The following BICDL1 variants were observed in gnomAD, a reference collection of about 807,000 sequenced individuals.
BICDL1 encodes the protein BICD family like cargo adaptor 1.
BICDL1 carries 20 observed loss-of-function variants against 76.8 expected under a neutral mutation model. That is an observed-to-expected ratio of 0.26 (90% confidence interval 0.18 to 0.38). The LOEUF (loss-of-function observed/expected upper bound fraction) is 0.38, where lower values mean the gene tolerates loss of function less well. Among genes scored for constraint, BICDL1 ranks in the 10% least tolerant of loss-of-function variants. The pLI is 1.00. For missense variants in BICDL1, 700 were observed against 798.6 expected, an observed-to-expected ratio of 0.88 and a Z score of 1.49; for synonymous variants, 383 against 337.1, an observed-to-expected ratio of 1.14 and a Z score of -1.49.
intron 8 of BICDL1, 68 bp from the exon 9 acceptor site, chr12:120,089,883 C>G: frequency 1.9e-6 from 3 of 1,569,294 alleles, no homozygotes; most frequent in Non-Finnish European, 2.6e-6. Context: ...ACTCCAGGTG[C>G]CCCAAGTAAA....
intron 2 of BICDL1, among the ~76,000 whole-genome samples, chr12:120,019,522 A>G (rs1346815627): frequency 1.3e-5 from 2 of 152,192 alleles, no homozygotes; most frequent in African/African-American, 4.8e-5. Flanking sequence ...TATTTTTTTC[A>G]AATTTTGCTG....
intron 2 of BICDL1, among the ~76,000 whole-genome samples, chr12:120,013,688 C>G (rs917651201): frequency 2.8e-4 from 43 of 152,216 alleles, no homozygotes; most frequent in African/African-American, 1.0e-3. Flanking sequence ...TCTTGAACTC[C>G]TGGCCTCAAG....
intron 2 of BICDL1, chr12:119,999,926 G>A: frequency 7.0e-6 from 2 of 286,464 alleles, no homozygotes; most frequent in South Asian, 6.3e-5. Context: ...AGTGTTTGGT[G>A]CTTTGGTCTT....
chr12:120,072,840 C>A, intron 6 of BICDL1, 111 bp downstream of exon 6: 1 of 884,758 alleles, frequency 1.1e-6, no homozygotes, highest in Non-Finnish European at 1.7e-6. Context: ...TATAAAATAT[C>A]TGCAAGAATT....
At chr12:120,050,802 G>A (rs1451227446) in intron 2 of BICDL1, among the ~76,000 whole-genome samples, 1 of 151,504 alleles carries the variant, frequency 6.6e-6, no homozygotes, top group East Asian at 2.0e-4. Context: ...GCCACGCACA[G>A]CTAATTTTTA....
Position 120,093,175 on chromosome 12 carries a change from A to G in BICDL1, c.*14A>G. 7 of 1,571,072 alleles carry G rather than the reference A, an allele frequency of 4.5e-6. No homozygotes were observed. The highest frequency in any genetic ancestry group is 6.0e-6 in the Non-Finnish European group (7 of 1,157,442). On this transcript the variant is annotated 3_prime_UTR_variant, in exon 10 of 10. Coordinates refer to ENST00000548673, the MANE Select transcript of BICDL1 (RefSeq NM_001367886.1). ...AGGAAAATTTAAGTTGGGAGGAGTC[A>G]GGCCACCAAAGATGGGTGGACTGGA...
In BICDL1 at chr12:120,061,821, G is replaced by T. The variant is rs563193929; in HGVS notation, c.757G>T (p.Ala253Ser). 8.1e-6 allele frequency: 13 copies of T among 1,610,914 alleles called. No homozygotes were observed. In the Admixed American group the frequency reaches 1.3e-4, roughly 17 times the overall value. Residue 253 changes from alanine to serine, a missense_variant, in exon 3 of 10, where the codon GCC becomes TCC. Ala to Ser is a moderately conservative substitution (Grantham distance 99, BLOSUM62 1). Coordinates refer to ENST00000548673, the MANE Select transcript of BICDL1 (RefSeq NM_001367886.1). ...QHIIRLESLQ[A>S]EIKMLSDRKR... ...CATTATCCGGCTGGAGAGCCTTCAG[G>T]CCGAGGTGAGCCTCCCGACACAGCA...
At chr12:120,084,762 C>T (rs1437277665) in intron 8 of BICDL1, among the ~76,000 whole-genome samples, 1 of 151,764 alleles carries the variant, frequency 6.6e-6, no homozygotes, top group Non-Finnish European at 1.5e-5. Context: ...TGGTGGCAGG[C>T]GCCTGTAATC....
intron 2 of BICDL1, among the ~76,000 whole-genome samples, chr12:120,001,358 T>A (rs568640671): frequency 2.0e-5 from 3 of 152,306 alleles, no homozygotes; most frequent in African/African-American, 7.2e-5. Context: ...GACATTCTCT[T>A]GCCTCAGCCT....
At chr12:120,028,918 G>A (rs755764572) in intron 2 of BICDL1, among the ~76,000 whole-genome samples, 6 of 152,218 alleles carry the variant, frequency 3.9e-5, no homozygotes, top group East Asian at 1.9e-4. Context: ...GTTAAGACTG[G>A]CCAGAAACCT....
chr12:120,080,699 G>A, intron 7 of BICDL1, 188 bp from the exon 8 acceptor site: 1 of 502,614 alleles, frequency 2.0e-6, no homozygotes, highest in Non-Finnish European at 3.5e-6. Context: ...AGCCTAGCAT[G>A]TGATGTGGTA....
chr12:120,059,877 T>TA (rs1420153563), intron 2 of BICDL1, among the ~76,000 whole-genome samples: 1 of 151,670 alleles, frequency 6.6e-6, no homozygotes, highest in African/African-American at 2.4e-5. Flanking sequence ...CATGCCTAGC[T>TA]AATTTTTGTA....
At chr12:120,070,885 C>T (rs1873043012) in intron 4 of BICDL1, among the ~76,000 whole-genome samples, 1 of 151,890 alleles carries the variant, frequency 6.6e-6, no homozygotes, top group Admixed American at 6.6e-5. Context: ...GCGCCTGCCA[C>T]CATGCCCAGC....
chr12:120,090,775 A>C, intron 9 of BICDL1: 3 of 721,220 alleles, frequency 4.2e-6, no homozygotes, highest in Non-Finnish European at 6.3e-6. Flanking sequence ...CATTCCTCCC[A>C]GGGCCCCATG....
intron 7 of BICDL1, 157 bp from the exon 8 acceptor site, chr12:120,080,730 G>C: frequency 1.6e-6 from 1 of 639,646 alleles, no homozygotes; most frequent in South Asian, 2.0e-5. Context: ...AAGAGAGACA[G>C]GCCCTCTCTT....
At chr12:120,058,969 G>T (rs1190488338) in intron 2 of BICDL1, among the ~76,000 whole-genome samples, 2 of 152,036 alleles carry the variant, frequency 1.3e-5, no homozygotes, top group Admixed American at 6.5e-5. Flanking sequence ...AATTGGACTC[G>T]TGTAAAGTTT....
intron 1 of BICDL1, among the ~76,000 whole-genome samples, chr12:119,994,809 G>A (rs927837925): frequency 4.6e-5 from 7 of 152,060 alleles, no homozygotes; most frequent in African/African-American, 1.7e-4. Context: ...TTTTTAAAAT[G>A]GTTTTAGATT....
intron 8 of BICDL1, among the ~76,000 whole-genome samples, chr12:120,087,058 C>T (rs529298793): frequency 6.6e-6 from 1 of 152,254 alleles, no homozygotes; most frequent in Non-Finnish European, 1.5e-5. Flanking sequence ...CCGCTGCTCT[C>T]GGCGCCACCT....
intron 2 of BICDL1, among the ~76,000 whole-genome samples, chr12:120,005,101 G>A (rs149226067): frequency 1.3e-5 from 2 of 152,254 alleles, no homozygotes; most frequent in East Asian, 3.9e-4. Context: ...TGGGATTACA[G>A]GCATGAGCCA....
Sources: gnomAD v4.1 joint callset for allele counts (sites outside exome capture counted in the v4.1 genomes callset) on GRCh38, gnomAD v4.1.1 for gene constraint, MANE v1.5 for transcripts, NCBI Gene and HGNC (gene_info 2026-07-23, HGNC 2026-07-21) for gene names.